MBOAT1: variants seen among roughly 807,000 people sequenced by gnomAD.
MBOAT1 encodes membrane-bound glycerophospholipid O-acyltransferase 1.
Under a neutral mutation model 64.4 loss-of-function variants are expected in MBOAT1, and 67 were observed. The ratio of observed to expected loss-of-function variants is 1.04; its 90% CI spans 0.85 to 1.27. MBOAT1 has a LOEUF of 1.27. MBOAT1 is among the 50% of genes most tolerant of loss of function. The pLI, the probability that MBOAT1 is intolerant of heterozygous loss-of-function variation, is 0.00. For missense variants in MBOAT1, 563 were observed against 604.6 expected (o/e 0.93, Z 0.72); for synonymous variants, 229 against 218.9 (o/e 1.05, Z -0.41).
At chr6:20,141,737 G>A (rs1401028257) in intron 4 of MBOAT1, among the ~76,000 whole-genome samples, 1 of 152,002 alleles carries the variant, frequency 6.6e-6, no homozygotes, top group Non-Finnish European at 1.5e-5. Flanking sequence ...GACGGGGCAG[G>A]GCAAAAGGAA....
intron 1 of MBOAT1, among the ~76,000 whole-genome samples, chr6:20,175,986 T>C (rs1555992): frequency 4.6e-5 from 7 of 152,222 alleles, no homozygotes; most frequent in Non-Finnish European, 7.3e-5. Flanking sequence ...GACAATGATA[T>C]ATACAATTAA....
intron 3 of MBOAT1, among the ~76,000 whole-genome samples, chr6:20,148,779 C>G (rs981012557): frequency 6.6e-6 from 1 of 152,118 alleles, no homozygotes. Flanking sequence ...ATTTCCACTT[C>G]GGCAATATTG....
intron 1 of MBOAT1, among the ~76,000 whole-genome samples, chr6:20,198,371 T>C (rs899556553): frequency 2.0e-5 from 3 of 152,176 alleles, no homozygotes; most frequent in Admixed American, 1.3e-4. Flanking sequence ...GTACTTTCCG[T>C]TGAGGTAAAG....
Position 20,101,267 on chromosome 6 carries a change from A to C in MBOAT1, c.*1019T>G, listed in dbSNP as rs965867834. Among the ~76,000 whole-genome samples the C allele has an allele frequency of 6.6e-6, 1 of 152,208 alleles. No homozygotes were observed. The highest frequency in any genetic ancestry group is 2.4e-5 in the African/African-American group (1 of 41,446). ...CGCCTGTGAAATGGAAAACATTCGG[A>C]AAACAGCAGCCCCTCTTCAGCTCCA... On this transcript the variant is annotated 3_prime_UTR_variant, in exon 13 of 13. Transcript: ENST00000324607.
At chr6:20,107,928 T>C (rs1016265391) in intron 12 of MBOAT1, among the ~76,000 whole-genome samples, 1 of 152,046 alleles carries the variant, frequency 6.6e-6, no homozygotes, top group African/African-American at 2.4e-5. Flanking sequence ...CTTCCGGGCA[T>C]GTTAAAAATG....
At chr6:20,110,962 C>G (rs1032771733) in intron 11 of MBOAT1, among the ~76,000 whole-genome samples, 2 of 152,180 alleles carry the variant, frequency 1.3e-5, no homozygotes, top group Non-Finnish European at 2.9e-5. Flanking sequence ...CTAATACAAG[C>G]AGCTACCATT....
chr6:20,109,599 T>C lies in MBOAT1; in HGVS notation c.1360A>G (p.Lys454Glu). ...LAVEPTISLY[K>E]SMYFYLHIIS... ...CAACTGAGAACAACGGAAACTTACTTGTATAAGCTGATGGTCGGTTCAACT... is the reference window on the plus strand; with the variant it reads ...CAACTGAGAACAACGGAAACTTACTCGTATAAGCTGATGGTCGGTTCAACT... The change falls in exon 12 of 13, where the codon AAG (lysine) becomes GAG (glutamate). Residue 454 changes from lysine to glutamate, a missense_variant and splice_region_variant. Transcript: ENST00000324607. 1 of 1,609,826 alleles carries C rather than the reference T, an allele frequency of 6.2e-7. No homozygotes were observed. The highest frequency in any genetic ancestry group is 8.5e-7 in the Non-Finnish European group (1 of 1,177,422).
At chr6:20,173,253 C>T (rs904477105) in intron 1 of MBOAT1, among the ~76,000 whole-genome samples, 26 of 152,070 alleles carry the variant, frequency 1.7e-4, no homozygotes, top group African/African-American at 5.8e-4. Flanking sequence ...TGGACTAATA[C>T]AGATGGATTC....
intron 1 of MBOAT1, among the ~76,000 whole-genome samples, chr6:20,177,994 T>C (rs1161325207): frequency 6.6e-6 from 1 of 152,154 alleles, no homozygotes; most frequent in Non-Finnish European, 1.5e-5. Flanking sequence ...GGAGACTCCC[T>C]GGCATTGAGT....
At chr6:20,196,433 T>C (rs924982956) in intron 1 of MBOAT1, among the ~76,000 whole-genome samples, 12 of 151,922 alleles carry the variant, frequency 7.9e-5, no homozygotes, top group African/African-American at 2.9e-4. Context: ...GTTGCCAGGA[T>C]TGAGGAAGAA....
intron 1 of MBOAT1, among the ~76,000 whole-genome samples, chr6:20,204,256 G>A (rs929976397): frequency 4.6e-5 from 7 of 152,158 alleles, no homozygotes; most frequent in African/African-American, 1.4e-4. Flanking sequence ...CCGAGGCCCC[G>A]TGTCCTCTGG....
chr6:20,176,363 A>C (rs1326063915), intron 1 of MBOAT1, among the ~76,000 whole-genome samples: 1 of 152,070 alleles, frequency 6.6e-6, no homozygotes, highest in Non-Finnish European at 1.5e-5. Context: ...TTAGAACTTC[A>C]CTATGAAAAC....
intron 1 of MBOAT1, among the ~76,000 whole-genome samples, chr6:20,160,693 T>C (rs1383751995): frequency 2.0e-5 from 3 of 152,316 alleles, no homozygotes; most frequent in South Asian, 4.1e-4. Context: ...AACAGTACTC[T>C]TTTGCATTGC....
At chr6:20,171,382 T>TAAA (rs34821586) in intron 1 of MBOAT1, among the ~76,000 whole-genome samples, 37 of 113,302 alleles carry the variant, frequency 3.3e-4, no homozygotes, top group African/African-American at 1.0e-3. Context: ...ACAAAAAACT[T>TAAA]AAAAAAAAAA....
rs1210770884 is a variant in MBOAT1, at chr6:20,118,437, C to T, written c.1011G>A (p.Glu337=). The T allele has an allele frequency of 6.2e-7, 1 of 1,612,816 alleles. No homozygotes were observed. Among genetic ancestry groups the T allele is most frequent in the African/African-American group, 1.3e-5 (1 of 75,016 alleles). ...LLSNLNIWKI[E]TATSFKMYLE... ...GTTGGACTTAAAAGCATACACTCAC[C>T]TCAATTTTCCAGATGTTTAGGTTCG... is the stretch of plus-strand genomic sequence containing the variant. The change falls in exon 9 of 13, where the codon GAG becomes GAA. Residue 337 remains glutamate (E), a splice_region_variant and synonymous_variant. Coordinates refer to ENST00000324607, the MANE Select transcript of MBOAT1 (RefSeq NM_001080480.3).
At chr6:20,165,383 G>A (rs532274758) in intron 1 of MBOAT1, among the ~76,000 whole-genome samples, 9 of 152,010 alleles carry the variant, frequency 5.9e-5, no homozygotes, top group Admixed American at 5.2e-4. Flanking sequence ...CCTGCTTCAC[G>A]AACCTGCAGA....
At chr6:20,199,929 C>CTCCAGGCTGGATT (rs1763072549) in intron 1 of MBOAT1, among the ~76,000 whole-genome samples, 1 of 152,126 alleles carries the variant, frequency 6.6e-6, no homozygotes, top group Non-Finnish European at 1.5e-5. Flanking sequence ...GATCGTGCCA[C>CTCCAGGCTGGATT]TGCACTCCAG....
Position 20,099,883 on chromosome 6 carries a change from G to A in MBOAT1, c.*2403C>T, listed in dbSNP as rs1407003121. Among the ~76,000 whole-genome samples, 1 of 152,192 alleles carries A rather than the reference G, an allele frequency of 6.6e-6. No individual in the cohort carries two copies. The highest frequency in any genetic ancestry group is 1.5e-5 in the Non-Finnish European group (1 of 68,032). On this transcript the variant is annotated 3_prime_UTR_variant, in exon 13 of 13. Coordinates refer to ENST00000324607, the MANE Select transcript of MBOAT1 (RefSeq NM_001080480.3). The stretch of plus-strand genomic sequence containing the variant: ...TTTTTCTATGGGTAAGTGGTTTTCA[G>A]AAGAAAAAGGATGCTAATCAGTCTC...
intron 1 of MBOAT1, among the ~76,000 whole-genome samples, chr6:20,195,607 G>GTGTA (rs1403417670): frequency 2.1e-3 from 85 of 41,398 alleles, no homozygotes; most frequent in African/African-American, 4.1e-3. Context: ...TAAATTGCCT[G>GTGTA]TGTGTGTGTG....
Sources: allele counts gnomAD v4.1 joint callset (sites outside exome capture counted in the v4.1 genomes callset), GRCh38; gene constraint gnomAD v4.1.1; transcripts MANE v1.5; gene names NCBI Gene and HGNC (gene_info 2026-07-23, HGNC 2026-07-21).